The following ST6GALNAC5 variants were observed in gnomAD, a reference collection of about 807,000 sequenced individuals.
ST6GALNAC5 encodes the protein alpha-N-acetylgalactosaminide alpha-2,6-sialyltransferase 5.
In ST6GALNAC5, 27 loss-of-function variants were observed where a neutral mutation model predicts 33.6. That is an observed-to-expected ratio of 0.80 (90% confidence interval 0.59 to 1.11). The LOEUF (loss-of-function observed/expected upper bound fraction) is 1.11. Ranked by LOEUF, ST6GALNAC5 falls within the 50% of genes least tolerant of loss-of-function variation. The pLI, the probability that ST6GALNAC5 is intolerant of heterozygous loss-of-function variation, is 0.00. For missense variants in ST6GALNAC5, 428 were observed against 454.0 expected (o/e 0.94, Z 0.52); for synonymous variants, 194 against 171.2 (o/e 1.13, Z -1.04).
intron 2 of ST6GALNAC5, among the ~76,000 whole-genome samples, chr1:76,877,359 G>C (rs184665269): frequency 1.4e-4 from 22 of 152,302 alleles, no homozygotes; most frequent in African/African-American, 5.1e-4. Context: ...CTGTTGCAGA[G>C]CCTTCTCCTG....
chr1:77,067,168 G>T lies in ST6GALNAC5; in HGVS notation c.*3962G>T, dbSNP rs925314756. On this transcript the variant is annotated 3_prime_UTR_variant, in exon 5 of 5. Coordinates refer to ENST00000477717, the MANE Select transcript of ST6GALNAC5 (RefSeq NM_030965.3). ...TATAATAATAAGCCCTGGGGGGCAG[G>T]ATGTGTGAACCAATTGCCTAGGTGT... Among the ~76,000 whole-genome samples the T allele has an allele frequency of 6.6e-6, 1 of 152,172 alleles. No homozygotes were observed. Among genetic ancestry groups the T allele is most frequent in the Admixed American group, 6.5e-5 (1 of 15,282 alleles).
intron 2 of ST6GALNAC5, among the ~76,000 whole-genome samples, chr1:76,911,317 T>G (rs953442502): frequency 1.3e-5 from 2 of 152,242 alleles, no homozygotes; most frequent in African/African-American, 2.4e-5. Flanking sequence ...TGGATAAGCT[T>G]TTTGATGTGC....
intron 2 of ST6GALNAC5, among the ~76,000 whole-genome samples, chr1:77,025,881 A>G (rs1034673257): frequency 6.6e-6 from 1 of 152,124 alleles, no homozygotes; most frequent in Non-Finnish European, 1.5e-5. Flanking sequence ...GGTGGGAAAC[A>G]TGAACACAGG....
At chr1:76,915,570 A>G (rs919717673) in intron 2 of ST6GALNAC5, among the ~76,000 whole-genome samples, 1 of 152,146 alleles carries the variant, frequency 6.6e-6, no homozygotes, top group Non-Finnish European at 1.5e-5. Flanking sequence ...GGAAATCATC[A>G]TTCTCAGTAA....
At chr1:76,992,498 A>T (rs796088608) in intron 2 of ST6GALNAC5, among the ~76,000 whole-genome samples, 2 of 151,544 alleles carry the variant, frequency 1.3e-5, no homozygotes, top group African/African-American at 4.8e-5. Flanking sequence ...TCTTTAATTT[A>T]ATTTTATTTT....
At chr1:76,870,052 A>ATTATTTAT (rs112133340) in intron 2 of ST6GALNAC5, among the ~76,000 whole-genome samples, 2 of 152,058 alleles carry the variant, frequency 1.3e-5, no homozygotes, top group African/African-American at 4.8e-5. Flanking sequence ...TTAGGAAGTG[A>ATTATTTAT]TTATTTATTT....
Position 76,868,499 on chromosome 1 carries a change from C to A in ST6GALNAC5, c.18C>A (p.Arg6=). Reference sequence around the variant, plus strand: ...TTCTCTCTCCCGCCCGCCCGCAGCGCCATGGTCTGGCAGTGTGTTTAGCGC... The same window carrying A: ...TTCTCTCTCCCGCCCGCCCGCAGCGACATGGTCTGGCAGTGTGTTTAGCGC... MKTLM[R]HGLAVCLALT... is the part of the protein sequence containing the mutation. Residue 6 remains arginine, a splice_region_variant and synonymous_variant, in exon 2 of 5, where the codon CGC becomes CGA. Transcript: ENST00000477717. The surrounding 1 kb of genome is among the most constrained non-coding windows in gnomAD (Gnocchi z 4.3). The A allele has an allele frequency of 6.2e-7, 1 of 1,602,792 alleles. No homozygotes were observed. The highest frequency in any genetic ancestry group is 8.5e-7 in the Non-Finnish European group (1 of 1,172,682).
chr1:76,913,051 T>C (rs1239322904), intron 2 of ST6GALNAC5, among the ~76,000 whole-genome samples: 3 of 152,210 alleles, frequency 2.0e-5, no homozygotes, highest in Non-Finnish European at 4.4e-5. Flanking sequence ...TTGCAGCGGC[T>C]GGTACCGTTT....
chr1:77,005,145 C>T (rs568036615), intron 2 of ST6GALNAC5, among the ~76,000 whole-genome samples: 2 of 152,364 alleles, frequency 1.3e-5, no homozygotes, highest in South Asian at 2.1e-4. Context: ...ATCAGCGAGA[C>T]TCCGTGGGGT....
intron 2 of ST6GALNAC5, among the ~76,000 whole-genome samples, chr1:76,905,297 A>G (rs1646854860): frequency 6.6e-6 from 1 of 152,180 alleles, no homozygotes; most frequent in Admixed American, 6.5e-5. Flanking sequence ...GCATGGAAAG[A>G]GTAGATCCCT....
intron 2 of ST6GALNAC5, among the ~76,000 whole-genome samples, chr1:76,943,933 A>T (rs1647421231): frequency 6.6e-6 from 1 of 152,098 alleles, no homozygotes. Flanking sequence ...ACAATACCTA[A>T]ATGTTGCATT....
intron 2 of ST6GALNAC5, among the ~76,000 whole-genome samples, chr1:76,892,411 T>C (rs554627088): frequency 6.6e-6 from 1 of 152,316 alleles, no homozygotes; most frequent in South Asian, 2.1e-4. Context: ...CCATTTGCCC[T>C]GGAAGGCATT....
At chr1:77,037,300 C>T (rs1189043915) in intron 2 of ST6GALNAC5, among the ~76,000 whole-genome samples, 1 of 152,126 alleles carries the variant, frequency 6.6e-6, no homozygotes, top group Non-Finnish European at 1.5e-5. Flanking sequence ...AGTGCAAGAA[C>T]AGAAAACCAG....
rs528982365 is a variant in ST6GALNAC5, at chr1:76,971,113, T to A, written c.262-73091T>A. The stretch of plus-strand genomic sequence containing the variant: ...AGGTCATTATTAGGGATGAGCTTTA[T>A]TGAAAGTTACTTTTTGTTTTGTTTA... On this transcript the variant is annotated intron_variant, in intron 2 of 4. Coordinates refer to ENST00000477717, the MANE Select transcript of ST6GALNAC5 (RefSeq NM_030965.3). Among the ~76,000 whole-genome samples the A allele has an allele frequency of 2.6e-5, 4 of 152,338 alleles. No homozygotes were observed. In the South Asian group the frequency reaches 8.3e-4, roughly 32 times the overall value.
At chr1:76,988,008 T>C (rs1649579657) in intron 2 of ST6GALNAC5, among the ~76,000 whole-genome samples, 1 of 152,172 alleles carries the variant, frequency 6.6e-6, no homozygotes, top group African/African-American at 2.4e-5. Flanking sequence ...AAACACCAAT[T>C]ATTCTTAGGT....
intron 2 of ST6GALNAC5, among the ~76,000 whole-genome samples, chr1:76,952,098 A>T (rs531632700): frequency 2.2e-4 from 34 of 152,242 alleles, no homozygotes; most frequent in Middle Eastern, 6.8e-3. Context: ...TTAATATGTA[A>T]TATTTACATT....
At chr1:76,888,151 G>A (rs1478144385) in intron 2 of ST6GALNAC5, among the ~76,000 whole-genome samples, 9 of 152,216 alleles carry the variant, frequency 5.9e-5, no homozygotes, top group Non-Finnish European at 1.2e-4. Flanking sequence ...AGGTGTCAAT[G>A]TGGTCTTTAA....
chr1:76,950,860 C>T lies in ST6GALNAC5; in HGVS notation c.261+82118C>T, dbSNP rs548749621. Among the ~76,000 whole-genome samples the T allele has an allele frequency of 1.4e-4, 21 of 152,110 alleles. No individual in the cohort carries two copies. In the South Asian group the frequency reaches 1.5e-3, roughly 11 times the overall value. Reference sequence around the variant, plus strand: ...TGACAAGTTTGTTCTTTGACAAGTGCGCAGCCACAACCAAGGGATAGCAAG... The same window carrying T: ...TGACAAGTTTGTTCTTTGACAAGTGTGCAGCCACAACCAAGGGATAGCAAG... On this transcript the variant is annotated intron_variant, in intron 2 of 4. Coordinates refer to ENST00000477717, the MANE Select transcript of ST6GALNAC5 (RefSeq NM_030965.3).
rs1167063350 is a variant in ST6GALNAC5 at position 77,066,732 on chromosome 1, C to T, written c.*3526C>T. Among the ~76,000 whole-genome samples, 3 of 152,192 alleles carry T rather than the reference C, an allele frequency of 2.0e-5. No homozygotes were observed. Among genetic ancestry groups the T allele is most frequent in the African/African-American group, 7.2e-5 (3 of 41,454 alleles). On this transcript the variant is annotated 3_prime_UTR_variant, in exon 5 of 5. Coordinates refer to ENST00000477717, the MANE Select transcript of ST6GALNAC5 (RefSeq NM_030965.3). ...GTTGGGAGGTGATGTTAACACTCTA[C>T]ATGTTTTGTATCTGACCCAATCATT... is the stretch of plus-strand genomic sequence containing the variant.
Sources: allele counts gnomAD v4.1 joint callset (sites outside exome capture counted in the v4.1 genomes callset), GRCh38; gene constraint gnomAD v4.1.1; non-coding constraint Gnocchi (gnomAD v3.1); transcripts MANE v1.5; gene names NCBI Gene and HGNC (gene_info 2026-07-23, HGNC 2026-07-21).